EPS15L1: variants seen among roughly 807,000 people sequenced by gnomAD.
EPS15L1 encodes epidermal growth factor receptor pathway substrate 15 like 1.
In EPS15L1, 43 loss-of-function variants were observed where a neutral mutation model predicts 117.1. The ratio of observed to expected loss-of-function variants is 0.37; its 90% CI spans 0.29 to 0.47. EPS15L1 has a LOEUF of 0.47. Among genes scored for constraint, EPS15L1 ranks in the 20% least tolerant of loss-of-function variants. The pLI, the probability that EPS15L1 is intolerant of heterozygous loss-of-function variation, is 0.99. For synonymous variants in EPS15L1, 459 were observed against 470.5 expected, an observed-to-expected ratio of 0.98 and a Z score of 0.32; for missense variants, 981 against 1,164.0, an observed-to-expected ratio of 0.84 and a Z score of 2.29.
chr19:16,425,401 G>A, intron 8 of EPS15L1, 85 bp from the exon 9 acceptor site: 1 of 922,324 alleles, frequency 1.1e-6, no homozygotes, highest in South Asian at 1.4e-5. Flanking sequence ...CCCTTTGGGG[G>A]CTGCAGTGAC....
rs1338172501 is a variant in EPS15L1, at chr19:16,408,434, G to GCTAA, written c.1267-3689_1267-3686dup. Among the ~76,000 whole-genome samples the GCTAA allele has an allele frequency of 5.3e-5, 8 of 150,966 alleles. No homozygotes were observed. In the South Asian group the frequency reaches 1.7e-3, roughly 31 times the overall value. ...AGGTCAGGAGTTTGAGACCAGCCTG[G>GCTAA]CTAACATGGTGAAACCCAGTAAAAT... On this transcript the variant is annotated intron_variant, in intron 13 of 23. Transcript: ENST00000455140.
chr19:16,462,588 A>G (rs915441732), intron 1 of EPS15L1, among the ~76,000 whole-genome samples: 13 of 152,196 alleles, frequency 8.5e-5, no homozygotes, highest in Admixed American at 2.6e-4. Flanking sequence ...GAATTGCTTG[A>G]GCCCAGATGG....
In EPS15L1 at chr19:16,370,863, G is replaced by C. The variant is rs1295328863; in HGVS notation, c.2380+6259C>G. On this transcript the variant is annotated intron_variant, in intron 22 of 23. Coordinates refer to ENST00000455140, the MANE Select transcript of EPS15L1 (RefSeq NM_001258374.3). This position sits in a 1 kb window ranked among gnomAD's most constrained non-coding sequence, Gnocchi z 5.2. Reference sequence around the variant, plus strand: ...TGAACACAGCAGTGCTGGGGGATGGGGGGCGTGGGCAGGAAAGAGGGACTC... The same window carrying C: ...TGAACACAGCAGTGCTGGGGGATGGCGGGCGTGGGCAGGAAAGAGGGACTC... Among the ~76,000 whole-genome samples, 1 of 152,160 alleles carries C rather than the reference G, an allele frequency of 6.6e-6. No individual in the cohort carries two copies. Among genetic ancestry groups the C allele is most frequent in the Admixed American group, 6.5e-5 (1 of 15,282 alleles).
At position 16,376,439 on chromosome 19, in the gene EPS15L1, C is replaced by T. The variant is rs570951937; in HGVS notation, c.2380+683G>A. On this transcript the variant is annotated intron_variant, in intron 22 of 23. Coordinates refer to ENST00000455140, the MANE Select transcript of EPS15L1 (RefSeq NM_001258374.3). ...GGCTTCAGAATCCTCAGGGGACCCT[C>T]GAGGGCCAAGGCTAGGAGACATTGG... is the stretch of plus-strand genomic sequence containing the variant. Among the ~76,000 whole-genome samples the T allele has an allele frequency of 2.0e-4, 31 of 152,284 alleles. No homozygotes were observed. In the South Asian group the frequency reaches 5.4e-3, roughly 26 times the overall value.
chr19:16,428,208 AAAAG>A (rs575991675), intron 8 of EPS15L1, among the ~76,000 whole-genome samples: 15 of 149,008 alleles, frequency 1.0e-4, no homozygotes, highest in African/African-American at 3.0e-4. Flanking sequence ...ATCAAAAAAA[AAAAG>A]AAAGAAAGAA....
chr19:16,437,805 T>C lies in EPS15L1; in HGVS notation c.274A>G (p.Ser92Gly). Reference sequence around the variant, plus strand: ...GGTGGCATGCTCAAATTCAGATTGCTCAAGGTAACTTCATGGCCACTCTGT... The same window carrying C: ...GGTGGCATGCTCAAATTCAGATTGCCCAAGGTAACTTCATGGCCACTCTGT... ...CAQSGHEVTL[S>G]NLNLSMPPPK... is the part of the protein sequence containing the mutation. Residue 92 changes from serine to glycine, a missense_variant, in exon 5 of 24, where the codon AGC becomes GGC. By Grantham distance (56) the Ser-to-Gly change is moderately conservative. Transcript: ENST00000455140. 1 of 1,614,082 alleles carries C rather than the reference T, an allele frequency of 6.2e-7. No homozygotes were observed. Among genetic ancestry groups the C allele is most frequent in the South Asian group, 1.1e-5 (1 of 91,084 alleles).
chr19:16,464,970 G>T (rs531043279), intron 1 of EPS15L1, among the ~76,000 whole-genome samples: 12 of 151,602 alleles, frequency 7.9e-5, no homozygotes, highest in African/African-American at 2.4e-4. Context: ...TCCCAGCTAC[G>T]CAGGAGGCTG....
chr19:16,391,439 A>G (rs1259694677), intron 19 of EPS15L1, among the ~76,000 whole-genome samples: 2 of 152,290 alleles, frequency 1.3e-5, no homozygotes, highest in East Asian at 3.9e-4. Context: ...TTCAAGCGCT[A>G]AAGACCAAAA....
At position 16,359,012 on chromosome 19, in the gene EPS15L1, T is replaced by C. The variant is rs376236605; in HGVS notation, c.2586+2767A>G. ...AACAGCCACACACGCAAATAACCCA[T>C]TGATGGAAATTTGGGGTTTGTAAAT... is the stretch of plus-strand genomic sequence containing the variant. On this transcript the variant is annotated intron_variant, in intron 23 of 23. Transcript: ENST00000455140. Among the ~76,000 whole-genome samples the C allele has an allele frequency of 2.3e-3, 346 of 152,098 alleles. 7 individuals carry two copies. The South Asian group carries it at 0.062, about 27-fold the overall frequency.
At chr19:16,402,604 T>A in intron 15 of EPS15L1, 119 bp from the exon 16 acceptor site, 1 of 951,114 alleles carries the variant, frequency 1.1e-6, no homozygotes, top group Non-Finnish European at 1.5e-6. Context: ...TGTAGTGGAG[T>A]GATCATAGCT....
At chr19:16,387,484 G>A (rs2092432129) in intron 19 of EPS15L1, among the ~76,000 whole-genome samples, 1 of 152,266 alleles carries the variant, frequency 6.6e-6, no homozygotes, top group Non-Finnish European at 1.5e-5. Context: ...GTGGATGCCT[G>A]TAATCCCAGC....
At chr19:16,386,537 T>C (rs2092422309) in intron 19 of EPS15L1, among the ~76,000 whole-genome samples, 2 of 152,142 alleles carry the variant, frequency 1.3e-5, no homozygotes, top group South Asian at 2.1e-4. Context: ...CAGAAGAACA[T>C]AGCAGGAGGT....
intron 17 of EPS15L1, among the ~76,000 whole-genome samples, chr19:16,394,257 C>T (rs2092515739): frequency 6.6e-6 from 1 of 152,208 alleles, no homozygotes; most frequent in Non-Finnish European, 1.5e-5. Flanking sequence ...CTGTCCCACA[C>T]AGACTGGAGT....
At chr19:16,432,813 A>T (rs906412081) in intron 7 of EPS15L1, among the ~76,000 whole-genome samples, 9 of 151,950 alleles carry the variant, frequency 5.9e-5, no homozygotes, top group South Asian at 2.1e-4. Flanking sequence ...TATTATTATT[A>T]TTTTTTTAAA....
At chr19:16,373,627 A>G (rs764794852) in intron 22 of EPS15L1, among the ~76,000 whole-genome samples, 6 of 152,158 alleles carry the variant, frequency 3.9e-5, no homozygotes, top group African/African-American at 7.2e-5. Flanking sequence ...GCTCTTGCCC[A>G]TAACCAGAGG....
chr19:16,369,095 C>T (rs759642029), intron 22 of EPS15L1, among the ~76,000 whole-genome samples: 10 of 152,280 alleles, frequency 6.6e-5, no homozygotes, highest in Non-Finnish European at 1.3e-4. Context: ...CCCCAACACA[C>T]GTCAACGTCT....
At chr19:16,394,333 T>C (rs2092516544) in intron 17 of EPS15L1, among the ~76,000 whole-genome samples, 1 of 137,144 alleles carries the variant, frequency 7.3e-6, no homozygotes, top group Non-Finnish European at 1.7e-5. Flanking sequence ...CTTTATCCCA[T>C]CTGCCTGCCA....
At chr19:16,377,030 G>A (rs2144700377) in intron 22 of EPS15L1, 92 bp downstream of exon 22, 2 of 1,455,942 alleles carry the variant, frequency 1.4e-6, no homozygotes, top group South Asian at 1.4e-5. Context: ...CACGGCATCT[G>A]CTGCTACTCT....
intron 16 of EPS15L1, chr19:16,400,965 G>C: frequency 1.0e-6 from 1 of 985,450 alleles, no homozygotes; most frequent in Non-Finnish European, 1.2e-6. Context: ...GGTGCCAGGG[G>C]ACAATGCCAG....
Sources: gnomAD v4.1 joint callset for allele counts (sites outside exome capture counted in the v4.1 genomes callset) on GRCh38, gnomAD v4.1.1 for gene constraint, Gnocchi (gnomAD v3.1) non-coding constraint, MANE v1.5 for transcripts, NCBI Gene and HGNC (gene_info 2026-07-23, HGNC 2026-07-21) for gene names.